Variants in EEFSEC observed in about 807,000 individuals in gnomAD.
EEFSEC encodes selenocysteine-specific elongation factor.
Under a neutral mutation model 42.1 loss-of-function variants are expected in EEFSEC, and 43 were observed. The ratio of observed to expected loss-of-function variants is 1.02; its 90% CI spans 0.80 to 1.32. The LOEUF (loss-of-function observed/expected upper bound fraction) is 1.32, where lower values mean the gene tolerates loss of function less well. Among genes scored for constraint, EEFSEC ranks in the 40% most tolerant of loss-of-function variants. EEFSEC has a pLI of 0.00. For missense variants in EEFSEC, 745 were observed against 803.6 expected, an observed-to-expected ratio of 0.93 and a Z score of 0.88; for synonymous variants, 354 against 339.1, an observed-to-expected ratio of 1.04 and a Z score of -0.48.
At chr3:128,279,194 C>T (rs2066499436) in intron 4 of EEFSEC, among the ~76,000 whole-genome samples, 1 of 152,190 alleles carries the variant, frequency 6.6e-6, no homozygotes, top group Admixed American at 6.5e-5. Flanking sequence ...TTAGTACAGC[C>T]CTTACTGCGG....
At chr3:128,371,044 A>C (rs1158206178) in intron 6 of EEFSEC, among the ~76,000 whole-genome samples, 1 of 152,220 alleles carries the variant, frequency 6.6e-6, no homozygotes, top group Non-Finnish European at 1.5e-5. Flanking sequence ...AATGAGTAGG[A>C]CATTGTTCTA....
intron 1 of EEFSEC, among the ~76,000 whole-genome samples, chr3:128,205,242 G>C (rs2107823360): frequency 6.6e-6 from 1 of 152,282 alleles, no homozygotes; most frequent in Admixed American, 6.5e-5. Flanking sequence ...CCCCTCCTCT[G>C]GGCCATGTAG....
intron 6 of EEFSEC, among the ~76,000 whole-genome samples, chr3:128,382,797 G>A (rs2067792933): frequency 6.6e-6 from 1 of 151,736 alleles, no homozygotes; most frequent in African/African-American, 2.4e-5. Context: ...ATACTAGGAT[G>A]AGCCCGAAAA....
intron 2 of EEFSEC, among the ~76,000 whole-genome samples, chr3:128,259,817 A>G (rs930933257): frequency 2.0e-5 from 3 of 152,160 alleles, no homozygotes; most frequent in Non-Finnish European, 1.5e-5. Context: ...TGAAGTATGT[A>G]TTGATGCTTC....
intron 4 of EEFSEC, among the ~76,000 whole-genome samples, chr3:128,322,017 C>T (rs2067013123): frequency 6.6e-6 from 1 of 152,234 alleles, no homozygotes; most frequent in Non-Finnish European, 1.5e-5. Flanking sequence ...CACAGCAGCA[C>T]CGCTCCTCTC....
At chr3:128,346,950 G>GT (rs1283158579) in intron 5 of EEFSEC, among the ~76,000 whole-genome samples, 1 of 152,178 alleles carries the variant, frequency 6.6e-6, no homozygotes, top group Non-Finnish European at 1.5e-5. Context: ...ATACAGAAAC[G>GT]TATCAGGAAG....
intron 1 of EEFSEC, among the ~76,000 whole-genome samples, chr3:128,221,402 G>T (rs1438544391): frequency 6.6e-6 from 1 of 152,246 alleles, no homozygotes; most frequent in Non-Finnish European, 1.5e-5. Context: ...CCTGTAACTG[G>T]TGGAGATTAA....
intron 6 of EEFSEC, among the ~76,000 whole-genome samples, chr3:128,402,782 G>A (rs1259411609): frequency 6.6e-6 from 1 of 152,124 alleles, no homozygotes; most frequent in African/African-American, 2.4e-5. Flanking sequence ...TGCCCTTCAG[G>A]TTCTTGGAAA....
chr3:128,170,811 A>G (rs146394512), intron 1 of EEFSEC, among the ~76,000 whole-genome samples: 1 of 152,380 alleles, frequency 6.6e-6, no homozygotes, highest in South Asian at 2.1e-4. Context: ...AAAAGTACAT[A>G]ATAAGAAAAC....
At chr3:128,402,963 C>A (rs1361785934) in intron 6 of EEFSEC, among the ~76,000 whole-genome samples, 4 of 151,636 alleles carry the variant, frequency 2.6e-5, no homozygotes, top group Non-Finnish European at 5.9e-5. Flanking sequence ...CAGAGGCAGA[C>A]AACAAACCCA....
intron 1 of EEFSEC, among the ~76,000 whole-genome samples, chr3:128,211,857 T>C (rs1180730892): frequency 4.4e-5 from 5 of 114,404 alleles, no homozygotes; most frequent in African/African-American, 1.4e-4. Context: ...TCTTTTTTTT[T>C]TTTTTTTTTT....
intron 5 of EEFSEC, among the ~76,000 whole-genome samples, chr3:128,349,097 T>C (rs372866574): frequency 1.2e-4 from 18 of 152,296 alleles, no homozygotes; most frequent in African/African-American, 4.3e-4. Context: ...AGGAGGGGCA[T>C]TCCAGGTCCA....
At chr3:128,413,601 G>A (rs190977669), downstream of EEFSEC, among the ~76,000 whole-genome samples, 37 of 152,262 alleles carry the variant, frequency 2.4e-4, no homozygotes, top group Admixed American at 1.8e-3. Flanking sequence ...CAGTCCCCAC[G>A]TGCTCCCCCC....
intron 4 of EEFSEC, among the ~76,000 whole-genome samples, chr3:128,307,568 G>C (rs1022627658): frequency 6.6e-6 from 1 of 152,218 alleles, no homozygotes; most frequent in Non-Finnish European, 1.5e-5. Flanking sequence ...CTCCAGGCCT[G>C]TGGTTCCAGT....
At chr3:128,401,881 G>A (rs1005015760) in intron 6 of EEFSEC, among the ~76,000 whole-genome samples, 5 of 152,194 alleles carry the variant, frequency 3.3e-5, no homozygotes, top group African/African-American at 1.2e-4. Flanking sequence ...GGAGTCATGA[G>A]CATCACCACC....
chr3:128,376,278 A>G (rs1369629130), intron 6 of EEFSEC, among the ~76,000 whole-genome samples: 1 of 152,226 alleles, frequency 6.6e-6, no homozygotes, highest in African/African-American at 2.4e-5. Flanking sequence ...GGCTGTTACT[A>G]GAAGTAGGCG....
At chr3:128,393,353 A>G (rs1210929294) in intron 6 of EEFSEC, among the ~76,000 whole-genome samples, 1 of 152,194 alleles carries the variant, frequency 6.6e-6, no homozygotes, top group Non-Finnish European at 1.5e-5. Flanking sequence ...TCCTTTTGGT[A>G]CACACGCTGG....
chr3:128,229,695 A>G lies in EEFSEC; in HGVS notation c.317-17141A>G, dbSNP rs117844051. ...TTTGTTTGGGCCATGCTGTTTAAAC[A>G]TTTTTTTCAATTGGTTGTCAACATT... On this transcript the variant is annotated intron_variant, in intron 1 of 6. Transcript: ENST00000254730. 9.9e-3 allele frequency among the ~76,000 whole-genome samples: 1,514 copies of G among 152,236 alleles called. 55 individuals carry two copies. In the East Asian group the frequency reaches 0.1, roughly 10 times the overall value.
chr3:128,368,901 G>A (rs1276181260), intron 6 of EEFSEC, among the ~76,000 whole-genome samples: 2 of 152,248 alleles, frequency 1.3e-5, no homozygotes, highest in Non-Finnish European at 2.9e-5. Context: ...TGCCCGTATT[G>A]CTGGGCTGTA....
Sources: allele counts gnomAD v4.1 joint callset (sites outside exome capture counted in the v4.1 genomes callset), GRCh38; gene constraint gnomAD v4.1.1; transcripts MANE v1.5; gene names NCBI Gene and HGNC (gene_info 2026-07-23, HGNC 2026-07-21).